CPEB3: variants seen among roughly 807,000 people sequenced by gnomAD.
CPEB3 encodes the protein cytoplasmic polyadenylation element binding protein 3.
CPEB3 carries 20 observed loss-of-function variants against 67.2 expected under a neutral mutation model. The observed-to-expected ratio is 0.30, with a 90% CI of 0.21 to 0.43. The LOEUF (loss-of-function observed/expected upper bound fraction) is 0.43. Ranked by LOEUF, CPEB3 falls within the 20% of genes least tolerant of loss-of-function variation. The pLI is 1.00. For synonymous variants in CPEB3, 376 were observed against 393.1 expected, an observed-to-expected ratio of 0.96 and a Z score of 0.51; for missense variants, 746 against 968.6, an observed-to-expected ratio of 0.77 and a Z score of 3.05.
chr10:92,111,845 CACAA>C (rs1307355410), intron 6 of CPEB3, among the ~76,000 whole-genome samples: 1 of 152,132 alleles, frequency 6.6e-6, no homozygotes, highest in East Asian at 1.9e-4. Context: ...TTTGTTGACA[CACAA>C]ACACACACAC....
At position 92,218,522 on chromosome 10, in the gene CPEB3, A is replaced by G. The variant is rs182692808; in HGVS notation, c.1005+20824T>C. Among the ~76,000 whole-genome samples the G allele has an allele frequency of 1.2e-3, 185 of 152,344 alleles. 2 individuals are homozygous for G. The highest frequency in any genetic ancestry group is 8.5e-3 in the South Asian group (41 of 4,828). On this transcript the variant is annotated intron_variant, in intron 2 of 9. Transcript: ENST00000265997. ...GCCAATTGAAAATGTCTCCTACTCA[A>G]TCTTACAGGATGCATGGATATATGT... is the stretch of plus-strand genomic sequence containing the variant.
chr10:92,093,190 G>C (rs530852363), intron 7 of CPEB3, among the ~76,000 whole-genome samples: 7 of 152,120 alleles, frequency 4.6e-5, no homozygotes, highest in African/African-American at 1.7e-4. Context: ...TCTGAGAAGC[G>C]GGCTGGGTGC....
rs201762137 is a variant in CPEB3 at position 92,117,279 on chromosome 10, C to T, written c.1454-6085G>A. Among the ~76,000 whole-genome samples, 9 of 149,294 alleles carry T rather than the reference C, an allele frequency of 6.0e-5. No individual in the cohort carries two copies. The East Asian group carries it at 1.8e-3, about 29-fold the overall frequency. ...CCTCATGATCCACCCACCTCAGCCT[C>T]CCAAAGTGCTGGGATTACAGGCATG... On this transcript the variant is annotated intron_variant, in intron 6 of 9. Coordinates refer to ENST00000265997, the MANE Select transcript of CPEB3 (RefSeq NM_014912.5).
At chr10:92,084,134 C>T (rs1183687233) in intron 8 of CPEB3, among the ~76,000 whole-genome samples, 2 of 137,924 alleles carry the variant, frequency 1.5e-5, no homozygotes, top group Non-Finnish European at 3.0e-5. Flanking sequence ...CACTGCACTC[C>T]AGCACAGGCG....
chr10:92,177,213 G>T (rs1170270209), intron 4 of CPEB3, among the ~76,000 whole-genome samples: 1 of 152,180 alleles, frequency 6.6e-6, no homozygotes, highest in South Asian at 2.1e-4. Context: ...TTATGCAAAC[G>T]TCGAGTGTTT....
chr10:92,109,722 C>T (rs1429141197), intron 7 of CPEB3, among the ~76,000 whole-genome samples: 2 of 152,182 alleles, frequency 1.3e-5, no homozygotes, highest in African/African-American at 2.4e-5. Flanking sequence ...TTTGCTTACT[C>T]TCCAATGAAT....
chr10:92,102,843 A>G (rs1416827410), intron 7 of CPEB3, among the ~76,000 whole-genome samples: 1 of 152,094 alleles, frequency 6.6e-6, no homozygotes, highest in Non-Finnish European at 1.5e-5. Flanking sequence ...CTATCCAGCT[A>G]TTTTAACTTT....
chr10:92,083,193 C>T (rs1253618406), intron 8 of CPEB3, among the ~76,000 whole-genome samples: 1 of 152,148 alleles, frequency 6.6e-6, no homozygotes, highest in Non-Finnish European at 1.5e-5. Flanking sequence ...GGAAGGACAA[C>T]CTACAACCAA....
chr10:92,285,036 A>G (rs1430423984), intron 1 of CPEB3, among the ~76,000 whole-genome samples: 1 of 152,226 alleles, frequency 6.6e-6, no homozygotes, highest in Non-Finnish European at 1.5e-5. Context: ...TAAACTGGTA[A>G]GAGCCTTCCT....
intron 6 of CPEB3, 32 bp downstream of exon 6, chr10:92,142,997 G>A: frequency 4.0e-6 from 6 of 1,486,972 alleles, no homozygotes; most frequent in Non-Finnish European, 5.6e-6. Context: ...CTCTCCAACA[G>A]GCAAGCAGTG....
intron 6 of CPEB3, among the ~76,000 whole-genome samples, chr10:92,135,025 A>G (rs192579559): frequency 6.6e-6 from 1 of 152,244 alleles, no homozygotes; most frequent in African/African-American, 2.4e-5. Flanking sequence ...AAGATGGATT[A>G]AAGACTTAAA....
intron 9 of CPEB3, among the ~76,000 whole-genome samples, chr10:92,055,782 G>A (rs961113437): frequency 6.6e-6 from 1 of 152,082 alleles, no homozygotes; most frequent in Admixed American, 6.5e-5. Flanking sequence ...GCTCATACCT[G>A]TAATCCCAAC....
chr10:92,139,382 T>C (rs1358932984), intron 6 of CPEB3, among the ~76,000 whole-genome samples: 1 of 150,442 alleles, frequency 6.6e-6, no homozygotes, highest in African/African-American at 2.5e-5. Flanking sequence ...TGCAACAACA[T>C]GGATGGAACT....
chr10:92,155,562 C>G (rs1373235788), intron 4 of CPEB3, among the ~76,000 whole-genome samples: 1 of 152,178 alleles, frequency 6.6e-6, no homozygotes, highest in African/African-American at 2.4e-5. Flanking sequence ...ACTTCTTTTT[C>G]AGCTTTGGAA....
At chr10:92,196,330 A>C (rs560996764) in intron 2 of CPEB3, among the ~76,000 whole-genome samples, 5 of 152,318 alleles carry the variant, frequency 3.3e-5, no homozygotes, top group African/African-American at 1.2e-4. Flanking sequence ...CTTCTGATTT[A>C]CTGAGTATTA....
At chr10:92,100,760 T>A (rs1844146456) in intron 7 of CPEB3, among the ~76,000 whole-genome samples, 1 of 151,990 alleles carries the variant, frequency 6.6e-6, no homozygotes, top group African/African-American at 2.4e-5. Context: ...CCCAGCTAAT[T>A]TTTTGTATTT....
At chr10:92,061,514 G>A (rs1045006703) in intron 9 of CPEB3, among the ~76,000 whole-genome samples, 1 of 149,100 alleles carries the variant, frequency 6.7e-6, no homozygotes, top group Admixed American at 6.7e-5. Flanking sequence ...AAAAGAATAA[G>A]ATCCAGCCAT....
Position 92,240,201 on chromosome 10 carries a change from G to C in CPEB3, c.150C>G (p.Asn50Lys). The C allele has an allele frequency of 2.6e-6, 4 of 1,515,796 alleles. No homozygotes were observed. Among genetic ancestry groups the C allele is most frequent in the Non-Finnish European group, 3.5e-6 (4 of 1,129,214 alleles). The allele number at this position is 1,515,796 out of a possible 1,614,324, so 93.9% of individuals were successfully genotyped here. ...CTGGGCTGAGGGCCGGCACTGCGCTGTTTTCCTCCGGCTTGGGGGTCTCTG... is the reference window on the plus strand; with the variant it reads ...CTGGGCTGAGGGCCGGCACTGCGCTCTTTTCCTCCGGCTTGGGGGTCTCTG... ...LSSETPKPEE[N>K]SAVPALSPAA... The change falls in exon 2 of 10, where the codon AAC (asparagine) becomes AAG (lysine). Residue 50 changes from asparagine to lysine, a missense_variant. Asn to Lys is a moderately conservative substitution (Grantham distance 94). This residue lies in a region of CPEB3 where 643 missense variants were observed against 717.5 expected (regional missense o/e 0.90). Coordinates refer to ENST00000265997, the MANE Select transcript of CPEB3 (RefSeq NM_014912.5).
At chr10:92,223,120 T>C (rs1262047977) in intron 2 of CPEB3, among the ~76,000 whole-genome samples, 3 of 152,176 alleles carry the variant, frequency 2.0e-5, no homozygotes, top group Admixed American at 6.5e-5. Flanking sequence ...ACATGACTAA[T>C]CAACTAATAC....
Sources: allele counts gnomAD v4.1 joint callset (sites outside exome capture counted in the v4.1 genomes callset), GRCh38; gene constraint gnomAD v4.1.1; regional missense constraint gnomAD v4.1.1; transcripts MANE v1.5; gene names NCBI Gene and HGNC (gene_info 2026-07-23, HGNC 2026-07-21).